LRRC9: variants seen among roughly 807,000 people sequenced by gnomAD.
LRRC9 encodes leucine rich repeat containing 9.
LRRC9 carries 122 observed loss-of-function variants against 63.2 expected under a neutral mutation model. The ratio of observed to expected loss-of-function variants is 1.93; its 90% CI spans 1.67 to 2.24. The LOEUF (loss-of-function observed/expected upper bound fraction) is 2.24. Ranked by LOEUF, LRRC9 falls within the 30% of genes most tolerant of loss-of-function variation. LRRC9 has a pLI of 0.00. For synonymous variants in LRRC9, 366 were observed against 213.1 expected (o/e 1.72, Z -6.25); for missense variants, 1,071 against 627.7 (o/e 1.71, Z -7.55).
At position 59,978,088 on chromosome 14, in the gene LRRC9, C is replaced by G. The variant is rs1286465403; in HGVS notation, c.1834C>G (p.Leu612Val). Residue 612 changes from leucine (L) to valine (V), a missense_variant, in exon 15 of 32, where the codon CTT (leucine) becomes GTT (valine). By Grantham distance (32) the Leu-to-Val change is conservative (BLOSUM62 1). Coordinates refer to ENST00000445360, the Ensembl canonical transcript of LRRC9. ...CAAGTGGTTTGTCTTTGATCATGAC[C>G]TTGTTTTGCCGGAATATGTTGTTGA... is the stretch of plus-strand genomic sequence containing the variant. The G allele has an allele frequency of 1.6e-5, 11 of 701,938 alleles. No individual in the cohort carries two copies. In the South Asian group the frequency reaches 1.6e-4, roughly 10 times the overall value. The allele number at this position is 701,938 out of a possible 1,614,324, so 43.5% of individuals were successfully genotyped here.
rs975751947 is a variant in LRRC9, at chr14:59,985,290, T to C, written c.2211+66T>C. 9 of 556,282 alleles carry C rather than the reference T, an allele frequency of 1.6e-5. No individual in the cohort carries two copies. The Admixed American group carries it at 2.5e-4, about 15-fold the overall frequency. 34.5% of individuals were successfully genotyped at this position (556,282 alleles called of 1,614,324 possible). On this transcript the variant is annotated intron_variant, in intron 17 of 31. Coordinates refer to ENST00000445360, the Ensembl canonical transcript of LRRC9. ...AGAAGCAGAAGTAGAATGGTGGTTA[T>C]CAGGGCCTAAGGGCTAGGGGAAATG... is the stretch of plus-strand genomic sequence containing the variant.
At chr14:60,008,362 G>T in intron 23 of LRRC9, 148 bp downstream of exon 23, 1 of 491,258 alleles carries the variant, frequency 2.0e-6, no homozygotes. Flanking sequence ...GCTTATTTTA[G>T]ATCTGGGTTT....
In LRRC9 at chr14:59,942,401, T is replaced by A. The variant is rs1425281780; in HGVS notation, c.727-2188T>A. Among the ~76,000 whole-genome samples, 1 of 152,148 alleles carries A rather than the reference T, an allele frequency of 6.6e-6. No individual in the cohort carries two copies. Among genetic ancestry groups the A allele is most frequent in the Non-Finnish European group, 1.5e-5 (1 of 68,016 alleles). The stretch of plus-strand genomic sequence containing the variant: ...AATCCTATGGAAGTTCTACTTTTAA[T>A]TTTTTGAGAAAACGCCATCCTGTTT... On this transcript the variant is annotated intron_variant, in intron 7 of 31. Coordinates refer to ENST00000445360, the Ensembl canonical transcript of LRRC9. The surrounding 1 kb of genome is among the most constrained non-coding windows in gnomAD (Gnocchi z 5.3).
exon 23 of LRRC9, chr14:60,008,140 T>A: frequency 1.4e-6 from 1 of 701,998 alleles, no homozygotes; most frequent in Non-Finnish European, 2.6e-6. Context: ...CATCATTATA[T>A]GGAATCAAGA....
chr14:59,973,498 A>G (rs1594909015), intron 12 of LRRC9: 1 of 152,124 alleles, frequency 6.6e-6, no homozygotes, highest in East Asian at 1.9e-4. Context: ...TCCAGGACTC[A>G]TGCAGATACC....
chr14:60,023,708 C>G (rs949102635), intron 27 of LRRC9, among the ~76,000 whole-genome samples: 11 of 151,966 alleles, frequency 7.2e-5, no homozygotes, highest in Non-Finnish European at 1.5e-4. Flanking sequence ...AGGTTTGTTA[C>G]ATAGGTATAC....
At chr14:59,949,589 TA>T (rs2139895188) in intron 8 of LRRC9, among the ~76,000 whole-genome samples, 1 of 144,398 alleles carries the variant, frequency 6.9e-6, no homozygotes, top group Non-Finnish European at 1.6e-5. Context: ...ATTGTGATGT[TA>T]GGGTGTCAAT....
intron 4 of LRRC9, 66 bp from the exon 5 acceptor site, chr14:59,931,553 C>T (rs532909072): frequency 3.0e-6 from 2 of 667,678 alleles, no homozygotes; most frequent in African/African-American, 1.8e-5. Context: ...CCAGATTAAT[C>T]AGAGATGATT....
rs551366767 is a variant in LRRC9, at chr14:59,965,727, C to CA, written c.1212-856dup. On this transcript the variant is annotated intron_variant, in intron 10 of 31. Transcript: ENST00000445360. The stretch of plus-strand genomic sequence containing the variant: ...TGAAACCCCGTCTGTATTAAAAACA[C>CA]AAAAAATTAGCCGGGCGTGATGGCG... Among the ~76,000 whole-genome samples the CA allele has an allele frequency of 8.4e-4, 127 of 151,274 alleles. 1 individual carries two copies. The highest frequency in any genetic ancestry group is 3.0e-3 in the African/African-American group (123 of 41,266).
In LRRC9 at chr14:59,957,506, G is replaced by A. The variant is rs575425849; in HGVS notation, c.883-2312G>A. 8.5e-4 allele frequency among the ~76,000 whole-genome samples: 129 copies of A among 152,130 alleles called. 1 individual carries two copies. Among genetic ancestry groups the A allele is most frequent in the African/African-American group, 3.0e-3 (126 of 41,504 alleles). On this transcript the variant is annotated intron_variant, in intron 8 of 31. Coordinates refer to ENST00000445360, the Ensembl canonical transcript of LRRC9. ...GTCATTTATGTTCTTCTCTAAACTGGTTATTCTAGTTAGCAGTTCCTGTAA... is the reference window on the plus strand; with the variant it reads ...GTCATTTATGTTCTTCTCTAAACTGATTATTCTAGTTAGCAGTTCCTGTAA...
At chr14:60,035,602 T>C (rs1021892446) in intron 29 of LRRC9, among the ~76,000 whole-genome samples, 9 of 152,216 alleles carry the variant, frequency 5.9e-5, no homozygotes, top group Non-Finnish European at 1.0e-4. Context: ...AGGCTGTCAT[T>C]TTCTTATTGT....
Position 60,060,596 on chromosome 14 carries a change from C to G in LRRC9, c.4276+2574C>G, listed in dbSNP as rs1385798561. ...TCTACTAAAAATACAAAAAAATTAG[C>G]TGGGCATGGTGGCGGGCGCCTGTAG... On this transcript the variant is annotated intron_variant, in intron 31 of 31. Coordinates refer to ENST00000445360, the Ensembl canonical transcript of LRRC9. This position sits in a 1 kb window ranked among gnomAD's most constrained non-coding sequence, Gnocchi z 4.0. Among the ~76,000 whole-genome samples the G allele has an allele frequency of 6.6e-6, 1 of 152,004 alleles. No individual in the cohort carries two copies. The highest frequency in any genetic ancestry group is 1.5e-5 in the Non-Finnish European group (1 of 67,996).
intron 27 of LRRC9, among the ~76,000 whole-genome samples, chr14:60,025,708 A>G (rs1438174953): frequency 6.6e-6 from 1 of 151,704 alleles, no homozygotes; most frequent in Non-Finnish European, 1.5e-5. Flanking sequence ...AGTGACATTC[A>G]GTGTGGTTTA....
In LRRC9 at chr14:59,930,034, A is replaced by G. The variant is rs1889562203; in HGVS notation, c.268-884A>G. On this transcript the variant is annotated intron_variant, in intron 3 of 31. Transcript: ENST00000445360. This position sits in a 1 kb window ranked among gnomAD's most constrained non-coding sequence, Gnocchi z 4.9. The stretch of plus-strand genomic sequence containing the variant: ...AACCCCCATGACAGAAATTTACCTA[A>G]ATAACAAACCTGCACATGCACCCCT... Among the ~76,000 whole-genome samples, 1 of 152,042 alleles carries G rather than the reference A, an allele frequency of 6.6e-6. No homozygotes were observed. Among genetic ancestry groups the G allele is most frequent in the Admixed American group, 6.6e-5 (1 of 15,244 alleles).
intron 21 of LRRC9, among the ~76,000 whole-genome samples, chr14:60,005,869 T>A (rs956519003): frequency 6.6e-6 from 1 of 152,122 alleles, no homozygotes; most frequent in African/African-American, 2.4e-5. Context: ...TTGCAGTACA[T>A]AATGTATGCA....
At chr14:60,062,304 G>GA in intron 31 of LRRC9, 125 bp downstream of exon 32, 1 of 392,170 alleles carries the variant, frequency 2.5e-6, no homozygotes. Context: ...CTGGGAACTA[G>GA]AAAAAACTGT....
At chr14:59,945,581 G>A (rs1473257315) in intron 8 of LRRC9, among the ~76,000 whole-genome samples, 1 of 151,632 alleles carries the variant, frequency 6.6e-6, no homozygotes, top group African/African-American at 2.4e-5. Flanking sequence ...AATCACAAAG[G>A]AATAAAATGT....
chr14:59,989,484 C>G lies in LRRC9; in HGVS notation c.2211+4260C>G, dbSNP rs1167201419. ...CTTAAATTATTTTATTATTTCATTT[C>G]ATTGTTTCTGGGTCCTTTCACTCCA... On this transcript the variant is annotated intron_variant, in intron 17 of 31. Coordinates refer to ENST00000445360, the Ensembl canonical transcript of LRRC9. Among the ~76,000 whole-genome samples the G allele has an allele frequency of 2.6e-5, 4 of 151,952 alleles. No homozygotes were observed. In the East Asian group the frequency reaches 7.7e-4, roughly 29 times the overall value.
At chr14:60,018,502 T>C (rs1185569015) in intron 25 of LRRC9, 23 bp downstream of exon 25, 1 of 682,376 alleles carries the variant, frequency 1.5e-6, no homozygotes, top group South Asian at 1.6e-5. Context: ...CAAATTTTTC[T>C]TTCTTTCAAG....
Sources: allele counts gnomAD v4.1 joint callset (sites outside exome capture counted in the v4.1 genomes callset), GRCh38; gene constraint gnomAD v4.1.1; non-coding constraint Gnocchi (gnomAD v3.1); transcripts MANE v1.5; gene names NCBI Gene and HGNC (gene_info 2026-07-23, HGNC 2026-07-21).